TAFA1: variants seen among roughly 807,000 people sequenced by gnomAD.
TAFA1 encodes the protein TAFA chemokine like family member 1.
Under a neutral mutation model 18.5 loss-of-function variants are expected in TAFA1, and 4 were observed. The ratio of observed to expected loss-of-function variants is 0.22; its 90% confidence interval spans 0.11 to 0.49. The LOEUF (loss-of-function observed/expected upper bound fraction) is 0.49, where lower values mean the gene tolerates loss of function less well. TAFA1 is among the 20% of genes least tolerant of loss of function. The probability of loss-of-function intolerance (pLI) is 0.98; values close to 1 mark genes in which losing one functional copy is unlikely to be tolerated. For synonymous variants in TAFA1, 56 were observed against 55.2 expected (o/e 1.01, Z -0.06); for missense variants, 147 against 169.0 (o/e 0.87, Z 0.72).
At chr3:68,440,885 A>G (rs2071363635) in intron 3 of TAFA1, among the ~76,000 whole-genome samples, 1 of 152,194 alleles carries the variant, frequency 6.6e-6, no homozygotes, top group African/African-American at 2.4e-5. Flanking sequence ...AGAGGAGCCC[A>G]AAGTGTCCAG....
intron 2 of TAFA1, among the ~76,000 whole-genome samples, chr3:68,367,216 T>C (rs1462840524): frequency 6.6e-6 from 1 of 152,158 alleles, no homozygotes; most frequent in Non-Finnish European, 1.5e-5. Context: ...GGCACAGAAA[T>C]CTCTTCAAGT....
intron 2 of TAFA1, among the ~76,000 whole-genome samples, chr3:68,174,597 G>C (rs1211571281): frequency 6.6e-6 from 1 of 152,200 alleles, no homozygotes; most frequent in Non-Finnish European, 1.5e-5. Context: ...TTGAACTTAA[G>C]AGAGATGATT....
chr3:68,162,428 G>A (rs752811127), intron 2 of TAFA1, among the ~76,000 whole-genome samples: 1 of 152,118 alleles, frequency 6.6e-6, no homozygotes, highest in Non-Finnish European at 1.5e-5. Context: ...TGTAATGCGC[G>A]GCTGATCTGA....
chr3:68,275,823 T>G (rs777794909), intron 2 of TAFA1, among the ~76,000 whole-genome samples: 1 of 152,090 alleles, frequency 6.6e-6, no homozygotes, highest in Non-Finnish European at 1.5e-5. Flanking sequence ...GAATTTGGAC[T>G]CGGGACTTGA....
intron 3 of TAFA1, among the ~76,000 whole-genome samples, chr3:68,441,241 C>A (rs1430737127): frequency 1.3e-5 from 2 of 152,156 alleles, no homozygotes; most frequent in African/African-American, 4.8e-5. Context: ...GAAGGCTCTG[C>A]AACAGGTGCA....
chr3:68,501,314 C>T lies in TAFA1; in HGVS notation c.260-37442C>T, dbSNP rs1033133820. 3.3e-5 allele frequency among the ~76,000 whole-genome samples: 5 copies of T among 152,030 alleles called. No individual in the cohort carries two copies. In the East Asian group the frequency reaches 9.6e-4, roughly 29 times the overall value. On this transcript the variant is annotated intron_variant, in intron 3 of 4. Coordinates refer to ENST00000478136, the MANE Select transcript of TAFA1 (RefSeq NM_213609.4). ...TAAAATGAATACTGCGAAGTCAAAC[C>T]ATGCCTTAAGTGAATGCAGGTCATA...
intron 2 of TAFA1, among the ~76,000 whole-genome samples, chr3:68,097,031 T>C (rs1396022768): frequency 6.6e-6 from 1 of 152,122 alleles, no homozygotes; most frequent in Admixed American, 6.6e-5. Context: ...CTGTCTACAT[T>C]GTGCTTCTGT....
chr3:68,461,146 G>T (rs538170828), intron 3 of TAFA1, among the ~76,000 whole-genome samples: 1 of 151,898 alleles, frequency 6.6e-6, no homozygotes, highest in Non-Finnish European at 1.5e-5. Context: ...GCTGGGCGTT[G>T]TGATGCATGT....
intron 2 of TAFA1, among the ~76,000 whole-genome samples, chr3:68,141,785 T>C (rs558701338): frequency 3.9e-5 from 6 of 152,320 alleles, no homozygotes; most frequent in African/African-American, 1.2e-4. Context: ...TTTTGAACAA[T>C]TGGATACCAC....
intron 2 of TAFA1, among the ~76,000 whole-genome samples, chr3:68,199,438 GA>G (rs2066448283): frequency 6.6e-6 from 1 of 151,456 alleles, no homozygotes; most frequent in Non-Finnish European, 1.5e-5. Context: ...TGAAATTATA[GA>G]TCAAGCTGGG....
At chr3:68,234,820 A>T (rs561845992) in intron 2 of TAFA1, among the ~76,000 whole-genome samples, 6 of 152,342 alleles carry the variant, frequency 3.9e-5, no homozygotes, top group Admixed American at 6.5e-5. Context: ...AGTCACTGAA[A>T]ATCACATAAA....
intron 2 of TAFA1, among the ~76,000 whole-genome samples, chr3:68,082,718 G>T (rs1343031937): frequency 1.3e-5 from 2 of 152,118 alleles, no homozygotes; most frequent in South Asian, 4.1e-4. Flanking sequence ...ATGTCTGCCT[G>T]TCACACTATA....
At chr3:68,331,856 C>CTATT (rs2068878340) in intron 2 of TAFA1, among the ~76,000 whole-genome samples, 1 of 76,198 alleles carries the variant, frequency 1.3e-5, no homozygotes, top group Non-Finnish European at 2.3e-5. Flanking sequence ...CTTTTCTTTT[C>CTATT]TTTTTTTTTT....
intron 2 of TAFA1, among the ~76,000 whole-genome samples, chr3:68,108,707 G>A (rs976876530): frequency 6.6e-6 from 1 of 151,838 alleles, no homozygotes; most frequent in African/African-American, 2.4e-5. Flanking sequence ...TTAGATGAAG[G>A]TATAAAAATA....
chr3:68,516,656 G>A (rs2072924848), intron 3 of TAFA1, among the ~76,000 whole-genome samples: 1 of 152,224 alleles, frequency 6.6e-6, no homozygotes, highest in Admixed American at 6.5e-5. Flanking sequence ...AAGAACAGGA[G>A]AGGAAGGGAA....
At chr3:68,303,453 T>G (rs2068343283) in intron 2 of TAFA1, among the ~76,000 whole-genome samples, 1 of 152,094 alleles carries the variant, frequency 6.6e-6, no homozygotes, top group African/African-American at 2.4e-5. Context: ...CTTTTTGTTT[T>G]TTTTTGAGAC....
At chr3:68,262,176 T>A (rs907527448) in intron 2 of TAFA1, among the ~76,000 whole-genome samples, 22 of 150,830 alleles carry the variant, frequency 1.5e-4, no homozygotes, top group African/African-American at 5.3e-4. Flanking sequence ...ATTTGCTAGA[T>A]AATCCTCTCA....
intron 2 of TAFA1, among the ~76,000 whole-genome samples, chr3:68,097,185 GA>G (rs1183956211): frequency 6.6e-6 from 1 of 152,092 alleles, no homozygotes; most frequent in African/African-American, 2.4e-5. Context: ...CAAGCAATGG[GA>G]AGTGTAACCT....
chr3:68,323,695 G>A (rs2068728301), intron 2 of TAFA1, among the ~76,000 whole-genome samples: 1 of 152,198 alleles, frequency 6.6e-6, no homozygotes, highest in Non-Finnish European at 1.5e-5. Context: ...TTTAACCTGT[G>A]AGATTCATTA....
Sources: allele counts gnomAD v4.1 joint callset (sites outside exome capture counted in the v4.1 genomes callset), GRCh38; gene constraint gnomAD v4.1.1; transcripts MANE v1.5; gene names NCBI Gene and HGNC (gene_info 2026-07-23, HGNC 2026-07-21).